The following ZBED6 variants were observed in gnomAD, a reference collection of about 807,000 sequenced individuals.
The protein encoded by ZBED6 is zinc finger BED-type containing 6.
In ZBED6, 40 loss-of-function variants were observed where a neutral mutation model predicts 58.4. The observed-to-expected ratio is 0.68, with a 90% CI of 0.53 to 0.89. ZBED6 has a LOEUF of 0.89. Among genes scored for constraint, ZBED6 ranks in the 40% least tolerant of loss-of-function variants. The pLI is 0.00. For missense variants in ZBED6, 1,057 were observed against 1,003.9 expected (o/e 1.05, Z -0.71); for synonymous variants, 439 against 350.6 (o/e 1.25, Z -2.82).
chr1:203,805,475 T>C (rs963341678), intron 1 of ZBED6: 1 of 410,468 alleles, frequency 2.4e-6, no homozygotes, highest in Non-Finnish European at 4.8e-6. Flanking sequence ...AAGCAATGAG[T>C]CTCAAAGGAA....
At chr1:203,812,603 A>G (rs1674890514) in intron 1 of ZBED6, among the ~76,000 whole-genome samples, 1 of 109,546 alleles carries the variant, frequency 9.1e-6, no homozygotes, top group African/African-American at 3.6e-5. Context: ...TTTTTTTGAG[A>G]CGGAGTCTCA....
At chr1:203,838,954 CAAAAAA>C (rs59033094) in intron 10 of ZBED6, among the ~76,000 whole-genome samples, 4 of 97,946 alleles carry the variant, frequency 4.1e-5, no homozygotes, top group African/African-American at 1.7e-4. Context: ...GACTTCATCT[CAAAAAA>C]AAAAAAAAAA....
chr1:203,850,446 AT>A, intron 14 of ZBED6, 68 bp from the exon 15 acceptor site: 1 of 1,577,154 alleles, frequency 6.3e-7, no homozygotes, highest in South Asian at 1.1e-5. Context: ...TTGATATTTT[AT>A]TCTGAATTAT....
Position 203,830,222 on chromosome 1 carries a change from G to T in ZBED6, c.*3399+19G>T. On this transcript the variant is annotated intron_variant, in intron 7 of 16. Transcript: ENST00000550078. Reference sequence around the variant, plus strand: ...CAAGGTGGTAAGTCATCACGTTTTGGCATGGATAGTTGTATGTTGCTAGGG... The same window carrying T: ...CAAGGTGGTAAGTCATCACGTTTTGTCATGGATAGTTGTATGTTGCTAGGG... The T allele has an allele frequency of 6.4e-6, 10 of 1,571,756 alleles. No individual in the cohort carries two copies. Among genetic ancestry groups the T allele is most frequent in the Non-Finnish European group, 6.9e-6 (8 of 1,157,540 alleles).
At chr1:203,849,786 A>C in exon 14 of ZBED6, 1 of 1,613,976 alleles carries the variant, frequency 6.2e-7, no homozygotes, top group Non-Finnish European at 8.5e-7. Context: ...AGAGAAGCAC[A>C]TGCAGAAACA....
chr1:203,806,227 G>T (rs530137752), intron 1 of ZBED6: 1 of 376,358 alleles, frequency 2.7e-6, no homozygotes, highest in East Asian at 7.2e-5. Flanking sequence ...GCTGGGCAGC[G>T]GAGCCTTAAT....
chr1:203,845,782 T>C (rs370818337), intron 11 of ZBED6, among the ~76,000 whole-genome samples: 1 of 152,092 alleles, frequency 6.6e-6, no homozygotes, highest in Admixed American at 6.5e-5. Flanking sequence ...GAGAATCACT[T>C]GAACCCAGGA....
intron 4 of ZBED6, among the ~76,000 whole-genome samples, chr1:203,828,755 T>C (rs1218439429): frequency 6.6e-6 from 1 of 152,230 alleles, no homozygotes; most frequent in African/African-American, 2.4e-5. Context: ...ATAAGTTTTA[T>C]TGGAATATAG....
chr1:203,840,016 C>T (rs1174690115), intron 10 of ZBED6, among the ~76,000 whole-genome samples: 1 of 152,008 alleles, frequency 6.6e-6, no homozygotes, highest in African/African-American at 2.4e-5. Context: ...GTTGGCCAGG[C>T]TGGTCTTGAA....
chr1:203,840,353 C>T, exon 11 of ZBED6: 1 of 1,613,240 alleles, frequency 6.2e-7, no homozygotes, highest in Non-Finnish European at 8.5e-7. Flanking sequence ...GTCAGCTGAT[C>T]CAGATAATGA....
chr1:203,815,096 C>G (rs985409546), intron 1 of ZBED6: 2 of 151,984 alleles, frequency 1.3e-5, no homozygotes, highest in Admixed American at 1.3e-4. Context: ...TCCCAAAGTG[C>G]TGGGATTACA....
intron 1 of ZBED6, among the ~76,000 whole-genome samples, chr1:203,810,101 G>C (rs1213071308): frequency 6.6e-6 from 1 of 151,730 alleles, no homozygotes; most frequent in East Asian, 1.9e-4. Flanking sequence ...AAAGTCATTG[G>C]AGCATCATTT....
chr1:203,822,048 T>C (rs561442262), intron 3 of ZBED6, among the ~76,000 whole-genome samples: 80 of 152,114 alleles, frequency 5.3e-4, no homozygotes, highest in Admixed American at 1.0e-3. Flanking sequence ...TGAGCCACCG[T>C]GCCTGGCCCT....
At chr1:203,841,148 T>A (rs1686025252) in intron 11 of ZBED6, among the ~76,000 whole-genome samples, 1 of 135,692 alleles carries the variant, frequency 7.4e-6, no homozygotes, top group Non-Finnish European at 1.6e-5. Flanking sequence ...GAATCTTTTT[T>A]TTTTTTTTAT....
intron 1 of ZBED6, among the ~76,000 whole-genome samples, chr1:203,808,671 A>T (rs7546400): frequency 0.13 from 19,187 of 152,054 alleles, 1,587 homozygotes; most frequent in East Asian, 0.29. Context: ...CGTGTCAGTA[A>T]TCTCTTGTAA....
exon 1 of ZBED6, chr1:203,798,294 T>A: frequency 6.5e-7 from 1 of 1,536,172 alleles, no homozygotes. Flanking sequence ...CAAGCATGCT[T>A]TAATTCCTGG....
At chr1:203,835,848 CT>C in intron 9 of ZBED6, 88 of 241,420 alleles carry the variant, frequency 3.6e-4, no homozygotes, top group South Asian at 8.2e-4. Flanking sequence ...TATGTGCTCC[CT>C]TTTTTTCCGG....
chr1:203,816,309 CATACATAT>C (rs957017158), intron 1 of ZBED6, among the ~76,000 whole-genome samples: 1 of 152,060 alleles, frequency 6.6e-6, no homozygotes, highest in African/African-American at 2.4e-5. Flanking sequence ...TACATATATA[CATACATAT>C]ATACATATAT....
intron 1 of ZBED6, among the ~76,000 whole-genome samples, chr1:203,805,468 C>CA (rs2102508496): frequency 6.6e-6 from 1 of 152,178 alleles, no homozygotes; most frequent in East Asian, 1.9e-4. Flanking sequence ...ATTTCCCAAG[C>CA]AATGAGTCTC....
Sources: gnomAD v4.1 joint callset for allele counts (sites outside exome capture counted in the v4.1 genomes callset) on GRCh38, gnomAD v4.1.1 for gene constraint, MANE v1.5 for transcripts, NCBI Gene and HGNC (gene_info 2026-07-23, HGNC 2026-07-21) for gene names.